Variants in CDH9 observed in about 807,000 individuals in gnomAD.
CDH9 encodes the protein cadherin-9.
Under a neutral mutation model 70.9 loss-of-function variants are expected in CDH9, and 28 were observed. The observed-to-expected ratio is 0.40, with a 90% confidence interval of 0.29 to 0.54. The LOEUF (loss-of-function observed/expected upper bound fraction) is 0.54, where lower values mean the gene tolerates loss of function less well. CDH9 is among the 20% of genes least tolerant of loss of function. The pLI, the probability that CDH9 is intolerant of heterozygous loss-of-function variation, is 0.59. For synonymous variants in CDH9, 409 were observed against 343.1 expected (o/e 1.19, Z -2.12); for missense variants, 874 against 984.4 (o/e 0.89, Z 1.50).
chr5:26,881,615 C>T lies in CDH9; in HGVS notation c.1891G>A (p.Val631Met). The T allele has an allele frequency of 1.2e-6, 2 of 1,601,902 alleles. No individual in the cohort carries two copies. The highest frequency in any genetic ancestry group is 1.7e-6 in the Non-Finnish European group (2 of 1,176,580). ...LCVLILLILV[V>M]LFAALKRQRK... is the part of the protein sequence containing the mutation. ...TGCCTCTTCAATGCAGCAAACAACACGACTAAAACTATTAATAAGAAATGG... is the reference window on the plus strand; with the variant it reads ...TGCCTCTTCAATGCAGCAAACAACATGACTAAAACTATTAATAAGAAATGG... Residue 631 changes from valine to methionine, a missense_variant, in exon 12 of 12, where the codon GTG becomes ATG. Transcript: ENST00000231021.
chr5:26,976,737 A>G (rs1281874371), intron 2 of CDH9, among the ~76,000 whole-genome samples: 2 of 152,088 alleles, frequency 1.3e-5, no homozygotes, highest in African/African-American at 2.4e-5. Flanking sequence ...TTATGTTTCT[A>G]GCATTTTTTA....
intron 7 of CDH9, among the ~76,000 whole-genome samples, chr5:26,894,865 C>G (rs569217434): frequency 6.6e-6 from 1 of 152,158 alleles, no homozygotes; most frequent in Admixed American, 6.5e-5. Flanking sequence ...TCTGCAGAGA[C>G]AGGATCCAAT....
At chr5:26,927,908 G>A (rs1350571223) in intron 2 of CDH9, among the ~76,000 whole-genome samples, 1 of 151,990 alleles carries the variant, frequency 6.6e-6, no homozygotes, top group African/African-American at 2.4e-5. Flanking sequence ...AAACATTTAT[G>A]TCAAGGGCAC....
At chr5:26,965,402 C>G (rs1203371597) in intron 2 of CDH9, among the ~76,000 whole-genome samples, 1 of 151,706 alleles carries the variant, frequency 6.6e-6, no homozygotes, top group Non-Finnish European at 1.5e-5. Flanking sequence ...ATAGTGAAAC[C>G]CCATCTCTAG....
At chr5:26,964,061 T>A (rs1579480971) in intron 2 of CDH9, among the ~76,000 whole-genome samples, 1 of 152,062 alleles carries the variant, frequency 6.6e-6, no homozygotes, top group African/African-American at 2.4e-5. Flanking sequence ...TAATAAAAAA[T>A]TGTGAAGAGT....
intron 7 of CDH9, among the ~76,000 whole-genome samples, chr5:26,893,118 A>T (rs1040390375): frequency 1.3e-5 from 2 of 152,200 alleles, no homozygotes; most frequent in African/African-American, 4.8e-5. Flanking sequence ...ATTAAAGGAC[A>T]TACTATTTAA....
chr5:27,011,562 G>C (rs898501896), intron 1 of CDH9, among the ~76,000 whole-genome samples: 1 of 152,020 alleles, frequency 6.6e-6, no homozygotes, highest in African/African-American at 2.4e-5. Context: ...AGAACTGAGA[G>C]AGAACACATT....
chr5:26,964,514 C>T (rs1323495374), intron 2 of CDH9, among the ~76,000 whole-genome samples: 1 of 152,114 alleles, frequency 6.6e-6, no homozygotes, highest in African/African-American at 2.4e-5. Context: ...AATGAACCAA[C>T]CAACCTATAT....
At chr5:26,941,699 T>A (rs1387513718) in intron 2 of CDH9, among the ~76,000 whole-genome samples, 1 of 152,214 alleles carries the variant, frequency 6.6e-6, no homozygotes, top group Non-Finnish European at 1.5e-5. Flanking sequence ...TGGGTAGTGA[T>A]CAGCAGATAT....
At chr5:26,968,931 C>T (rs1055994226) in intron 2 of CDH9, among the ~76,000 whole-genome samples, 2 of 152,206 alleles carry the variant, frequency 1.3e-5, no homozygotes, top group Non-Finnish European at 2.9e-5. Context: ...CCTCACCTCA[C>T]TGAACTGAAA....
intron 1 of CDH9, among the ~76,000 whole-genome samples, chr5:27,031,326 G>T (rs995933953): frequency 4.0e-5 from 6 of 151,682 alleles, no homozygotes; most frequent in African/African-American, 1.5e-4. Context: ...ATACTTTATA[G>T]AACAAAATAT....
At chr5:26,913,707 A>G (rs1449654232) in intron 3 of CDH9, among the ~76,000 whole-genome samples, 13 of 151,728 alleles carry the variant, frequency 8.6e-5, no homozygotes, top group Admixed American at 7.9e-4. Context: ...TGTATATTTT[A>G]TTATGAGTGA....
At chr5:26,893,267 T>C (rs1015088085) in intron 7 of CDH9, among the ~76,000 whole-genome samples, 1 of 152,180 alleles carries the variant, frequency 6.6e-6, no homozygotes, top group African/African-American at 2.4e-5. Flanking sequence ...CAATTATTGC[T>C]GAGTCATAGA....
rs561428779 is a variant in CDH9, at chr5:26,923,050, A to G, written c.229-7126T>C. Among the ~76,000 whole-genome samples the G allele has an allele frequency of 2.8e-3, 420 of 147,378 alleles. 2 individuals are homozygous for G. Among genetic ancestry groups the G allele is most frequent in the African/African-American group, 0.01 (407 of 40,328 alleles). ...TGGTTTAAACCCTCCTATCTAAGACATAGTGTAGTTACATGAATTAAAAAA... is the reference window on the plus strand; with the variant it reads ...TGGTTTAAACCCTCCTATCTAAGACGTAGTGTAGTTACATGAATTAAAAAA... On this transcript the variant is annotated intron_variant, in intron 2 of 11. Coordinates refer to ENST00000231021, the MANE Select transcript of CDH9 (RefSeq NM_016279.4).
intron 1 of CDH9, among the ~76,000 whole-genome samples, chr5:27,029,123 CT>C (rs999519822): frequency 3.1e-4 from 47 of 151,276 alleles, no homozygotes; most frequent in Admixed American, 9.9e-4. Context: ...ATCATGGAAA[CT>C]TTTTTTTTCT....
intron 7 of CDH9, among the ~76,000 whole-genome samples, chr5:26,897,990 T>G (rs1057255267): frequency 1.3e-5 from 2 of 152,066 alleles, no homozygotes; most frequent in Non-Finnish European, 2.9e-5. Context: ...GGATATAAAA[T>G]CAATGTGCAA....
At chr5:26,968,946 C>A (rs560985842) in intron 2 of CDH9, among the ~76,000 whole-genome samples, 1 of 152,186 alleles carries the variant, frequency 6.6e-6, no homozygotes, top group African/African-American at 2.4e-5. Flanking sequence ...CTGAAACACA[C>A]AGTCTGATAT....
At chr5:26,893,682 T>A (rs1318032649) in intron 7 of CDH9, among the ~76,000 whole-genome samples, 1 of 83,302 alleles carries the variant, frequency 1.2e-5, no homozygotes, top group African/African-American at 3.6e-5. Context: ...TATATATATA[T>A]TTTATTTTAT....
At chr5:27,013,554 G>C (rs1407119956) in intron 1 of CDH9, among the ~76,000 whole-genome samples, 1 of 151,860 alleles carries the variant, frequency 6.6e-6, no homozygotes, top group East Asian at 1.9e-4. Context: ...TCTGGAAAAA[G>C]GGTTTATGAG....
Sources: gnomAD v4.1 joint callset for allele counts (sites outside exome capture counted in the v4.1 genomes callset) on GRCh38, gnomAD v4.1.1 for gene constraint, MANE v1.5 for transcripts, NCBI Gene and HGNC (gene_info 2026-07-23, HGNC 2026-07-21) for gene names.